CNBD1: variants seen among roughly 807,000 people sequenced by gnomAD.
CNBD1 encodes the protein cyclic nucleotide binding domain containing 1.
A neutral mutation model predicts 54.4 loss-of-function variants in CNBD1; 71 were observed. The ratio of observed to expected loss-of-function variants is 1.30; its 90% CI spans 1.08 to 1.59. The LOEUF is 1.59. Among genes scored for constraint, CNBD1 ranks in the 40% most tolerant of loss-of-function variants. The pLI is 0.00. For synonymous variants in CNBD1, 182 were observed against 170.7 expected (o/e 1.07, Z -0.51); for missense variants, 659 against 518.0 (o/e 1.27, Z -2.64).
intron 4 of CNBD1, among the ~76,000 whole-genome samples, chr8:87,056,084 A>T (rs1054351423): frequency 3.3e-5 from 5 of 152,150 alleles, no homozygotes; most frequent in African/African-American, 1.2e-4. Flanking sequence ...TATTATCCCC[A>T]CTTTACAGAT....
chr8:87,066,732 A>G lies in CNBD1; in HGVS notation c.431+126978A>G, dbSNP rs1187597440. ...ATTTAGAATTTTATAAATTCTGTAA[A>G]AATTGCTTCAATTAGAATATAATTT... is the stretch of plus-strand genomic sequence containing the variant. On this transcript the variant is annotated intron_variant, in intron 4 of 10. Transcript: ENST00000518476. 6.6e-5 allele frequency among the ~76,000 whole-genome samples: 10 copies of G among 152,060 alleles called. No homozygotes were observed. In the South Asian group the frequency reaches 1.2e-3, roughly 19 times the overall value.
At chr8:87,215,427 A>C (rs1814188123) in intron 5 of CNBD1, among the ~76,000 whole-genome samples, 1 of 152,032 alleles carries the variant, frequency 6.6e-6, no homozygotes, top group Non-Finnish European at 1.5e-5. Flanking sequence ...CCTACTAAAA[A>C]AATACAAAAA....
chr8:87,066,228 A>T (rs1479108587), intron 4 of CNBD1, among the ~76,000 whole-genome samples: 3 of 151,994 alleles, frequency 2.0e-5, no homozygotes, highest in Non-Finnish European at 4.4e-5. Context: ...ACAACTAGTG[A>T]TTTCTATGAC....
At chr8:87,386,059 G>C (rs933877640), downstream of CNBD1, among the ~76,000 whole-genome samples, 1 of 152,142 alleles carries the variant, frequency 6.6e-6, no homozygotes, top group Non-Finnish European at 1.5e-5. Context: ...TGAGGGTCCT[G>C]ACTGTTAGAA....
chr8:87,322,562 G>C (rs1214924018), intron 8 of CNBD1, among the ~76,000 whole-genome samples: 2 of 116,046 alleles, frequency 1.7e-5, no homozygotes, highest in Non-Finnish European at 3.8e-5. Flanking sequence ...CAGTAATGAT[G>C]AGCATTTTTT....
At chr8:87,044,931 G>A (rs1308480139) in intron 4 of CNBD1, among the ~76,000 whole-genome samples, 1 of 152,148 alleles carries the variant, frequency 6.6e-6, no homozygotes, top group East Asian at 1.9e-4. Context: ...TGATTTTTCA[G>A]AGCTGCTTCT....
chr8:87,018,645 A>G (rs193016416), intron 4 of CNBD1, among the ~76,000 whole-genome samples: 7 of 152,094 alleles, frequency 4.6e-5, no homozygotes, highest in Non-Finnish European at 1.0e-4. Flanking sequence ...TTTACTTCCA[A>G]AAAAACCAAG....
At chr8:87,371,839 A>C (rs1810810651) in intron 10 of CNBD1, among the ~76,000 whole-genome samples, 1 of 152,000 alleles carries the variant, frequency 6.6e-6, no homozygotes, top group Non-Finnish European at 1.5e-5. Flanking sequence ...GACATATCTC[A>C]AAATAATAAG....
intron 7 of CNBD1, among the ~76,000 whole-genome samples, chr8:87,285,343 A>C (rs1367466199): frequency 6.6e-6 from 1 of 152,206 alleles, no homozygotes; most frequent in Non-Finnish European, 1.5e-5. Context: ...AGATAACTTC[A>C]TTTACTTAAA....
At chr8:87,044,950 C>T (rs1269085944) in intron 4 of CNBD1, among the ~76,000 whole-genome samples, 1 of 152,136 alleles carries the variant, frequency 6.6e-6, no homozygotes, top group Non-Finnish European at 1.5e-5. Context: ...CTCCAACTAG[C>T]CATAGTTGTC....
At chr8:87,114,987 A>G (rs1379647115) in intron 4 of CNBD1, among the ~76,000 whole-genome samples, 1 of 152,192 alleles carries the variant, frequency 6.6e-6, no homozygotes, top group Non-Finnish European at 1.5e-5. Context: ...ATAGAATGTC[A>G]TAGGCTAATA....
chr8:87,382,074 A>G (rs186055515), intron 10 of CNBD1, among the ~76,000 whole-genome samples: 7 of 152,094 alleles, frequency 4.6e-5, no homozygotes, highest in Admixed American at 2.0e-4. Flanking sequence ...GCCAGTCTAT[A>G]TTAAAAAACT....
chr8:87,343,969 C>A (rs1448343019), intron 8 of CNBD1, among the ~76,000 whole-genome samples: 1 of 151,676 alleles, frequency 6.6e-6, no homozygotes, highest in Non-Finnish European at 1.5e-5. Flanking sequence ...CCTATAAAAG[C>A]TCTAACAACT....
At chr8:87,352,534 T>A (rs1452975413) in intron 9 of CNBD1, among the ~76,000 whole-genome samples, 1 of 150,698 alleles carries the variant, frequency 6.6e-6, no homozygotes, top group African/African-American at 2.5e-5. Context: ...CTGGAAGTAG[T>A]CCACGTATCC....
chr8:86,994,666 G>A (rs530858045), intron 4 of CNBD1, among the ~76,000 whole-genome samples: 5 of 152,164 alleles, frequency 3.3e-5, no homozygotes, highest in Non-Finnish European at 5.9e-5. Context: ...TTCAGGGCTG[G>A]AAACTAGCTC....
At chr8:87,070,833 T>A (rs1344253320) in intron 4 of CNBD1, among the ~76,000 whole-genome samples, 1 of 152,076 alleles carries the variant, frequency 6.6e-6, no homozygotes, top group East Asian at 1.9e-4. Flanking sequence ...GTAAATATTT[T>A]AGTGCTGACC....
intron 4 of CNBD1, among the ~76,000 whole-genome samples, chr8:87,167,506 C>T (rs921641606): frequency 2.0e-5 from 3 of 151,552 alleles, no homozygotes; most frequent in African/African-American, 4.8e-5. Context: ...CACCCAGGCT[C>T]GAGTGCACCA....
intron 5 of CNBD1, among the ~76,000 whole-genome samples, chr8:87,232,553 G>A (rs1461648531): frequency 2.0e-5 from 3 of 151,914 alleles, no homozygotes; most frequent in Non-Finnish European, 4.4e-5. Flanking sequence ...TTTTTCTTGT[G>A]CCTTTTCAGT....
chr8:87,211,069 C>T (rs542638326), intron 5 of CNBD1, among the ~76,000 whole-genome samples: 1 of 152,272 alleles, frequency 6.6e-6, no homozygotes, highest in African/African-American at 2.4e-5. Context: ...CCACTTGTAC[C>T]AGTGTGCTCC....
Sources: allele counts gnomAD v4.1 joint callset (sites outside exome capture counted in the v4.1 genomes callset), GRCh38; gene constraint gnomAD v4.1.1; transcripts MANE v1.5; gene names NCBI Gene and HGNC (gene_info 2026-07-23, HGNC 2026-07-21).